The following AKAP7 variants were observed in gnomAD, a reference collection of about 807,000 sequenced individuals.
The protein encoded by AKAP7 is A kinase (PRKA) anchor protein 7.
A neutral mutation model predicts 39.5 loss-of-function variants in AKAP7; 39 were observed. That is an observed-to-expected ratio of 0.99 (90% CI 0.76 to 1.29). The LOEUF is 1.29. Among genes scored for constraint, AKAP7 ranks in the 50% most tolerant of loss-of-function variants. AKAP7 has a pLI of 0.00. For missense variants in AKAP7, 414 were observed against 407.7 expected, an observed-to-expected ratio of 1.02 and a Z score of -0.13; for synonymous variants, 140 against 139.1, an observed-to-expected ratio of 1.01 and a Z score of -0.05.
chr6:131,203,239 TAGTCTC>T (rs1323222312), intron 6 of AKAP7, among the ~76,000 whole-genome samples: 6 of 152,210 alleles, frequency 3.9e-5, no homozygotes, highest in Admixed American at 3.9e-4. Context: ...TATGGTTCCT[TAGTCTC>T]AGTCTTAACG....
upstream of AKAP7, among the ~76,000 whole-genome samples, chr6:131,131,082 G>A (rs1347432324): frequency 6.6e-6 from 1 of 152,222 alleles, no homozygotes; most frequent in East Asian, 1.9e-4. Flanking sequence ...TGGGAGCTGA[G>A]AGGCTGAAGA....
intron 5 of AKAP7, among the ~76,000 whole-genome samples, chr6:131,177,463 G>A (rs1534625): frequency 0.5 from 76,167 of 151,950 alleles, 19,906 homozygotes; most frequent in East Asian, 0.95. Flanking sequence ...TCACTTTTAT[G>A]AGAGCGTACT....
intron 6 of AKAP7, among the ~76,000 whole-genome samples, chr6:131,219,386 T>TA (rs1809503153): frequency 6.6e-6 from 1 of 152,186 alleles, no homozygotes; most frequent in Non-Finnish European, 1.5e-5. Context: ...TATACTTTAT[T>TA]ATTTCTGGAG....
chr6:131,135,507 GGCTGCTGCGGCTGCCGCCGCCGCTGCT>G lies in AKAP7; in HGVS notation c.-254_-228del, dbSNP rs1057292440. On this transcript the variant is annotated 5_prime_UTR_variant, in exon 1 of 8. Coordinates refer to ENST00000431975, the MANE Select transcript of AKAP7 (RefSeq NM_016377.4). ...GTCCGGCCTGGCATGCGGGTGCTGC[GGCTGCTGCGGCTGCCGCCGCCGCTGCT>G]GCCGCTGCCGCGGGGGCTGCGGCTT... 6.8e-6 allele frequency among the ~76,000 whole-genome samples: 1 copy of G among 146,836 alleles called. No homozygotes were observed. Among genetic ancestry groups the G allele is most frequent in the Non-Finnish European group, 1.5e-5 (1 of 65,334 alleles).
chr6:131,152,502 A>T (rs1802006502), intron 2 of AKAP7, among the ~76,000 whole-genome samples: 2 of 152,224 alleles, frequency 1.3e-5, no homozygotes, highest in Non-Finnish European at 2.9e-5. Flanking sequence ...AACTTTACAG[A>T]TAAAATCAGA....
At chr6:131,227,233 A>C (rs982856898) in intron 7 of AKAP7, among the ~76,000 whole-genome samples, 1 of 152,220 alleles carries the variant, frequency 6.6e-6, no homozygotes, top group East Asian at 1.9e-4. Context: ...GACCACAATT[A>C]CTTTTGCACC....
intron 7 of AKAP7, among the ~76,000 whole-genome samples, chr6:131,238,348 C>T (rs141033644): frequency 3.3e-5 from 5 of 152,122 alleles, no homozygotes; most frequent in African/African-American, 7.2e-5. Context: ...TTTTGGAATA[C>T]GTGTGGTGTG....
At chr6:131,155,684 C>T (rs1283095180) in intron 2 of AKAP7, among the ~76,000 whole-genome samples, 2 of 152,110 alleles carry the variant, frequency 1.3e-5, no homozygotes, top group South Asian at 4.1e-4. Context: ...TATTTAGAAT[C>T]GTGTTTCTCT....
rs375980029 is a variant in AKAP7 at position 131,224,035 on chromosome 6, G to A, written c.850+4227G>A. Among the ~76,000 whole-genome samples, 45 of 152,090 alleles carry A rather than the reference G, an allele frequency of 3.0e-4. No homozygotes were observed. In the South Asian group the frequency reaches 8.5e-3, roughly 29 times the overall value. Reference sequence around the variant, plus strand: ...CAAAACAATTTTGCCTTTTTCAAACGCTGCCAATCTTGTATCCCCAAGCCA... The same window carrying A: ...CAAAACAATTTTGCCTTTTTCAAACACTGCCAATCTTGTATCCCCAAGCCA... On this transcript the variant is annotated intron_variant, in intron 7 of 7. Coordinates refer to ENST00000431975, the MANE Select transcript of AKAP7 (RefSeq NM_016377.4).
intron 2 of AKAP7, among the ~76,000 whole-genome samples, chr6:131,149,510 C>T (rs1489668076): frequency 6.6e-6 from 1 of 152,196 alleles, no homozygotes; most frequent in African/African-American, 2.4e-5. Context: ...TGGCACGTAC[C>T]TGTAAGCCCA....
At chr6:131,136,530 A>G (rs575834363) in intron 1 of AKAP7, among the ~76,000 whole-genome samples, 73 of 152,350 alleles carry the variant, frequency 4.8e-4, no homozygotes, top group South Asian at 4.3e-3. Flanking sequence ...GAGTTTTTGC[A>G]TTTAGGAAAT....
chr6:131,162,451 C>G (rs561657298), intron 3 of AKAP7, among the ~76,000 whole-genome samples: 24 of 152,254 alleles, frequency 1.6e-4, no homozygotes, highest in African/African-American at 5.5e-4. Context: ...ATGTGCAGGT[C>G]AGGTTACCTA....
chr6:131,142,607 C>A (rs1377867992), intron 1 of AKAP7, among the ~76,000 whole-genome samples: 2 of 152,350 alleles, frequency 1.3e-5, no homozygotes, highest in African/African-American at 4.8e-5. Flanking sequence ...GGAGCCCTCA[C>A]AGAGAAACTC....
chr6:131,220,105 T>A (rs1030354659), intron 7 of AKAP7, among the ~76,000 whole-genome samples: 5 of 152,200 alleles, frequency 3.3e-5, no homozygotes, highest in African/African-American at 1.2e-4. Flanking sequence ...TTCATGAACA[T>A]GAAGAAAACA....
intron 3 of AKAP7, chr6:131,164,380 T>C (rs1413472267): frequency 6.6e-6 from 3 of 455,366 alleles, no homozygotes; most frequent in Non-Finnish European, 1.3e-5. Flanking sequence ...AGATGCATCA[T>C]TCCTCTCCCT....
rs147886586 is a variant in AKAP7 at position 131,157,022 on chromosome 6, G to A, written c.152-3037G>A. Among the ~76,000 whole-genome samples the A allele has an allele frequency of 5.5e-4, 84 of 152,116 alleles. No individual in the cohort carries two copies. In the East Asian group the frequency reaches 0.012, roughly 21 times the overall value. ...GATCTCCTGACCTCGTGATCCGCCC[G>A]CCTCAGCCTCCCAAAGTGCTGGGAT... On this transcript the variant is annotated intron_variant, in intron 2 of 7. Coordinates refer to ENST00000431975, the MANE Select transcript of AKAP7 (RefSeq NM_016377.4).
At position 131,169,248 on chromosome 6, in the gene AKAP7, T is replaced by C. The variant is rs755822912; in HGVS notation, c.564T>C (p.His188=). The part of the protein sequence containing the change: ...VGFVKLAEGD[H]VNSLLEIAET... ...TTGTGAAGCTGGCAGAAGGAGATCA[T>C]GTAAACTCACTTTTGGAGATAGCAG... The change falls in exon 5 of 8, where the codon CAT becomes CAC. Residue 188 remains histidine, a synonymous_variant. Transcript: ENST00000431975. 2 of 1,614,078 alleles carry C rather than the reference T, an allele frequency of 1.2e-6. No homozygotes were observed. Among genetic ancestry groups the C allele is most frequent in the Admixed American group, 1.7e-5 (1 of 60,022 alleles).
chr6:131,185,540 A>G (rs1805756568), intron 5 of AKAP7: 1 of 193,970 alleles, frequency 5.2e-6, no homozygotes, highest in Admixed American at 5.9e-5. Flanking sequence ...ATGAGGTGGT[A>G]TTTCATTTGT....
At chr6:131,226,127 CTTTTATCATCCCACT>C (rs1411158692) in intron 7 of AKAP7, among the ~76,000 whole-genome samples, 2 of 152,218 alleles carry the variant, frequency 1.3e-5, no homozygotes, top group Non-Finnish European at 2.9e-5. Context: ...GCGTAGCTAT[CTTTTATCATCCCACT>C]TACCCTGTTG....
Sources: gnomAD v4.1 joint callset for allele counts (sites outside exome capture counted in the v4.1 genomes callset) on GRCh38, gnomAD v4.1.1 for gene constraint, MANE v1.5 for transcripts, NCBI Gene and HGNC (gene_info 2026-07-23, HGNC 2026-07-21) for gene names.